The following LRRC49 variants were observed in gnomAD, a reference collection of about 807,000 sequenced individuals.
The protein encoded by LRRC49 is leucine rich repeat containing 49.
LRRC49 carries 50 observed loss-of-function variants against 83.3 expected under a neutral mutation model. That is an observed-to-expected ratio of 0.60 (90% CI 0.48 to 0.76). LRRC49 has a LOEUF of 0.76. Ranked by LOEUF, LRRC49 falls within the 30% of genes least tolerant of loss-of-function variation. The probability of loss-of-function intolerance (pLI) is 0.00; values close to 1 mark genes in which losing one functional copy is unlikely to be tolerated. For missense variants in LRRC49, 704 were observed against 809.1 expected, an observed-to-expected ratio of 0.87 and a Z score of 1.58; for synonymous variants, 286 against 283.3, an observed-to-expected ratio of 1.01 and a Z score of -0.10.
At chr15:70,950,541 G>A (rs886414046) in intron 8 of LRRC49, among the ~76,000 whole-genome samples, 3 of 152,040 alleles carry the variant, frequency 2.0e-5, no homozygotes, top group African/African-American at 4.8e-5. Flanking sequence ...TCATATATTT[G>A]TTGGCCACAT....
At chr15:70,872,883 CTTTTTT>C in intron 1 of LRRC49, 5 of 165,926 alleles carry the variant, frequency 3.0e-5, no homozygotes, top group Admixed American at 1.3e-4. Context: ...CTTGACATAA[CTTTTTT>C]TTTTTTTTTT....
intron 8 of LRRC49, among the ~76,000 whole-genome samples, chr15:70,959,163 G>A (rs1196359260): frequency 6.6e-6 from 1 of 152,196 alleles, no homozygotes; most frequent in Non-Finnish European, 1.5e-5. Flanking sequence ...AAGGTGCCCT[G>A]TGGTATTATT....
At chr15:70,923,532 G>A (rs2141138383) in intron 7 of LRRC49, among the ~76,000 whole-genome samples, 1 of 151,984 alleles carries the variant, frequency 6.6e-6, no homozygotes, top group South Asian at 2.1e-4. Context: ...ATTGTTCTAG[G>A]TAGTTGGGAT....
chr15:71,043,409 T>C (rs2039756517), intron 15 of LRRC49, among the ~76,000 whole-genome samples: 1 of 152,190 alleles, frequency 6.6e-6, no homozygotes, highest in African/African-American at 2.4e-5. Context: ...AATACTTGCT[T>C]TATGAATCCC....
chr15:70,853,435 G>A (rs2141062644), exon 1 of LRRC49: 1 of 153,636 alleles, frequency 6.5e-6, no homozygotes, highest in Non-Finnish European at 1.4e-5. Flanking sequence ...CAGCCAGCAG[G>A]ACTGGGAAAG....
intron 11 of LRRC49, among the ~76,000 whole-genome samples, chr15:70,991,754 T>C (rs954547560): frequency 6.6e-5 from 10 of 152,250 alleles, no homozygotes; most frequent in Admixed American, 1.3e-4. Context: ...ATGTGTCTTA[T>C]TACCTTAACT....
intron 14 of LRRC49, among the ~76,000 whole-genome samples, chr15:71,026,072 C>T (rs1373956058): frequency 6.6e-6 from 1 of 151,876 alleles, no homozygotes; most frequent in Non-Finnish European, 1.5e-5. Context: ...CCCTTAGCCC[C>T]CCACCCCCTG....
At chr15:70,868,230 T>C (rs2032953785) in intron 1 of LRRC49, among the ~76,000 whole-genome samples, 1 of 152,230 alleles carries the variant, frequency 6.6e-6, no homozygotes. Flanking sequence ...AGCTAAAACT[T>C]CCTTCCAGTG....
At chr15:70,947,774 T>A (rs1160768447) in intron 8 of LRRC49, among the ~76,000 whole-genome samples, 1 of 152,204 alleles carries the variant, frequency 6.6e-6, no homozygotes, top group Non-Finnish European at 1.5e-5. Context: ...TGGGAAGCAC[T>A]GCTGCAGAGG....
intron 6 of LRRC49, among the ~76,000 whole-genome samples, chr15:70,916,489 T>C (rs143668654): frequency 0.029 from 4,439 of 152,216 alleles, 218 homozygotes; most frequent in African/African-American, 0.1. Context: ...GAGACAGGGT[T>C]TCACCATGTT....
chr15:70,893,728 TA>T, intron 2 of LRRC49, 88 bp downstream of exon 2: 1 of 1,023,624 alleles, frequency 9.8e-7, no homozygotes. Flanking sequence ...AGATAGATTC[TA>T]AACTGAAAAA....
At chr15:70,907,068 G>T (rs1229387265) in intron 5 of LRRC49, among the ~76,000 whole-genome samples, 2 of 152,192 alleles carry the variant, frequency 1.3e-5, no homozygotes, top group Admixed American at 1.3e-4. Context: ...TCACAGCAAG[G>T]GGCCTGTGAG....
intron 15 of LRRC49, among the ~76,000 whole-genome samples, chr15:71,038,800 A>G (rs751536792): frequency 2.4e-4 from 37 of 152,174 alleles, no homozygotes; most frequent in Non-Finnish European, 5.3e-4. Flanking sequence ...AAAATGCTTC[A>G]AATACTTGAA....
intron 11 of LRRC49, among the ~76,000 whole-genome samples, chr15:71,004,920 A>C (rs2038403399): frequency 6.6e-6 from 1 of 152,170 alleles, no homozygotes; most frequent in Non-Finnish European, 1.5e-5. Context: ...GGAGGAGGAA[A>C]AAATAACTAA....
intron 3 of LRRC49, among the ~76,000 whole-genome samples, chr15:70,899,341 C>T (rs2033972275): frequency 6.6e-6 from 1 of 152,078 alleles, no homozygotes; most frequent in African/African-American, 2.4e-5. Flanking sequence ...TAATCTTTAA[C>T]TAGTTAATTC....
chr15:71,039,067 C>A (rs376144375), intron 15 of LRRC49, among the ~76,000 whole-genome samples: 4 of 151,702 alleles, frequency 2.6e-5, no homozygotes, highest in Non-Finnish European at 2.9e-5. Flanking sequence ...AAATGATGGC[C>A]GATATGAGTC....
intron 9 of LRRC49, among the ~76,000 whole-genome samples, chr15:70,972,952 G>C (rs1478991757): frequency 6.6e-6 from 1 of 152,044 alleles, no homozygotes; most frequent in East Asian, 1.9e-4. Flanking sequence ...GCCTGGAGGA[G>C]TTTGTTACTA....
chr15:71,042,189 A>T (rs1435094520), intron 15 of LRRC49, among the ~76,000 whole-genome samples: 1 of 152,076 alleles, frequency 6.6e-6, no homozygotes, highest in Non-Finnish European at 1.5e-5. Context: ...GTTTTTTTCT[A>T]TGTTGCCCAG....
Position 71,053,197 on chromosome 15 carries a change from G to T in LRRC49, c.*3585G>T, listed in dbSNP as rs189550750. On this transcript the variant is annotated 3_prime_UTR_variant, in exon 16 of 16. Transcript: ENST00000260382. The stretch of plus-strand genomic sequence containing the variant: ...TTGTGACTTGGATCAAGGTGATAGC[G>T]GCAGAGGCGTCAGAAAGTAGTTGGA... 6.6e-6 allele frequency: 1 copy of T among 152,118 alleles called. No homozygotes were observed. Among genetic ancestry groups the T allele is most frequent in the African/African-American group, 2.4e-5 (1 of 41,410 alleles). 9.4% of individuals were successfully genotyped at this position (152,118 alleles called of 1,614,324 possible). A position where few individuals can be genotyped will look rare whatever the true frequency, so the allele number is the denominator to read the frequency against.
Sources: allele counts gnomAD v4.1 joint callset (sites outside exome capture counted in the v4.1 genomes callset), GRCh38; gene constraint gnomAD v4.1.1; transcripts MANE v1.5; gene names NCBI Gene and HGNC (gene_info 2026-07-23, HGNC 2026-07-21).